The following SCFD1 variants were observed in gnomAD, a reference collection of about 807,000 sequenced individuals.
The protein encoded by SCFD1 is sec1 family domain containing 1.
A neutral mutation model predicts 103.2 loss-of-function variants in SCFD1; 37 were observed. That is an observed-to-expected ratio of 0.36 (90% CI 0.28 to 0.47). The LOEUF (loss-of-function observed/expected upper bound fraction) is 0.47, where lower values mean the gene tolerates loss of function less well. SCFD1 is among the 20% of genes least tolerant of loss of function. The pLI, the probability that SCFD1 is intolerant of heterozygous loss-of-function variation, is 1.00. For missense variants in SCFD1, 639 were observed against 761.2 expected, an observed-to-expected ratio of 0.84 and a Z score of 1.89; for synonymous variants, 264 against 245.0, an observed-to-expected ratio of 1.08 and a Z score of -0.73.
chr14:30,720,605 CTA>C (rs1892589020), intron 21 of SCFD1, among the ~76,000 whole-genome samples: 1 of 152,170 alleles, frequency 6.6e-6, no homozygotes, highest in South Asian at 2.1e-4. Context: ...CATGTACACA[CTA>C]TTTTTTTCTT....
Position 30,638,241 on chromosome 14 carries a change from A to G in SCFD1, c.429A>G (p.Val143=). ...AALAASAVTQ[V]AKVFDQYLNF... ...TAGCAGCTAGTGCAGTAACACAAGTAGCCAAGGTAAGAGAGTTTGGTGGGT... is the reference window on the plus strand; with the variant it reads ...TAGCAGCTAGTGCAGTAACACAAGTGGCCAAGGTAAGAGAGTTTGGTGGGT... Residue 143 remains valine (V), a synonymous_variant, in exon 5 of 25, where the codon GTA becomes GTG. Transcript: ENST00000458591. The G allele has an allele frequency of 6.2e-7, 1 of 1,613,220 alleles. No homozygotes were observed. The highest frequency in any genetic ancestry group is 8.5e-7 in the Non-Finnish European group (1 of 1,179,472).
chr14:30,677,827 CTTTTTTTTTTTTTTTTTTTT>C (rs58942207), intron 14 of SCFD1, among the ~76,000 whole-genome samples: 1 of 67,516 alleles, frequency 1.5e-5, no homozygotes, highest in East Asian at 4.2e-4. Context: ...ACCTAAGCAC[CTTTTTTTTTTTTTTTTTTTT>C]TTTTTTTTTT....
At chr14:30,680,551 T>C (rs1335101131) in intron 14 of SCFD1, among the ~76,000 whole-genome samples, 2 of 152,204 alleles carry the variant, frequency 1.3e-5, no homozygotes, top group African/African-American at 4.8e-5. Flanking sequence ...CCATAAAACA[T>C]ATCTACTAAA....
chr14:30,728,777 T>C (rs1257709379), intron 23 of SCFD1, among the ~76,000 whole-genome samples: 1 of 152,200 alleles, frequency 6.6e-6, no homozygotes, highest in Non-Finnish European at 1.5e-5. Context: ...CAAGAATCTT[T>C]TCACATGTGT....
intron 10 of SCFD1, among the ~76,000 whole-genome samples, chr14:30,664,916 T>C (rs1230934934): frequency 2.0e-5 from 3 of 152,160 alleles, no homozygotes; most frequent in East Asian, 1.9e-4. Context: ...AAATCTGCGT[T>C]TGATTGGTGT....
chr14:30,682,834 A>T (rs1282141851), intron 14 of SCFD1, among the ~76,000 whole-genome samples: 2 of 152,216 alleles, frequency 1.3e-5, no homozygotes, highest in Non-Finnish European at 2.9e-5. Flanking sequence ...TTCTAAGTTC[A>T]TTGTAGCTTG....
At chr14:30,717,294 G>A (rs1422243242) in intron 20 of SCFD1, among the ~76,000 whole-genome samples, 1 of 152,106 alleles carries the variant, frequency 6.6e-6, no homozygotes, top group Non-Finnish European at 1.5e-5. Flanking sequence ...TAGGCCATGT[G>A]GTGAAACCCT....
At chr14:30,645,821 T>C (rs189117996) in intron 7 of SCFD1, among the ~76,000 whole-genome samples, 403 of 152,302 alleles carry the variant, frequency 2.6e-3, no homozygotes, top group Non-Finnish European at 4.5e-3. Flanking sequence ...TTTTATTTCT[T>C]TCTCTTGCCT....
chr14:30,671,445 A>G (rs1459367914), intron 11 of SCFD1, among the ~76,000 whole-genome samples: 2 of 152,174 alleles, frequency 1.3e-5, no homozygotes, highest in African/African-American at 2.4e-5. Flanking sequence ...GGCATTATTT[A>G]TAGAGAATAC....
At chr14:30,725,217 A>G (rs369660558) in intron 23 of SCFD1, among the ~76,000 whole-genome samples, 1 of 152,042 alleles carries the variant, frequency 6.6e-6, no homozygotes, top group East Asian at 1.9e-4. Flanking sequence ...CTAGTTCTGT[A>G]AAGAATGTCA....
At chr14:30,691,485 G>A (rs1382174077) in intron 14 of SCFD1, among the ~76,000 whole-genome samples, 2 of 152,168 alleles carry the variant, frequency 1.3e-5, no homozygotes, top group Non-Finnish European at 2.9e-5. Flanking sequence ...GCCTTGAAGA[G>A]ATACTAGTTC....
At chr14:30,720,052 G>T (rs1049923861) in intron 21 of SCFD1, among the ~76,000 whole-genome samples, 1 of 152,112 alleles carries the variant, frequency 6.6e-6, no homozygotes, top group East Asian at 1.9e-4. Flanking sequence ...TTTGTTGCCT[G>T]TTCCTTATGT....
intron 7 of SCFD1, among the ~76,000 whole-genome samples, chr14:30,648,767 C>G (rs1200728262): frequency 6.6e-6 from 1 of 152,100 alleles, no homozygotes; most frequent in Non-Finnish European, 1.5e-5. Flanking sequence ...AACACAGGCA[C>G]ACACCACCAT....
chr14:30,684,803 C>CTTTT (rs780577178), intron 14 of SCFD1, among the ~76,000 whole-genome samples: 8,801 of 54,528 alleles, frequency 0.16, 1,015 homozygotes, highest in East Asian at 0.42. Context: ...GCAATTGTTT[C>CTTTT]TTTTTTTTTT....
chr14:30,622,620 G>T (rs969450918), intron 1 of SCFD1, among the ~76,000 whole-genome samples: 1 of 152,154 alleles, frequency 6.6e-6, no homozygotes, highest in African/African-American at 2.4e-5. Flanking sequence ...TGGGCGGATT[G>T]CTACGGCCCT....
At position 30,702,387 on chromosome 14, in the gene SCFD1, T is replaced by C; in HGVS notation, c.1490+12T>C. ...ATCAAACAGTGGAAGTAAGTTTTAT[T>C]TTCTTCTTTAATTCCTGTCATTTAA... is the stretch of plus-strand genomic sequence containing the variant. On this transcript the variant is annotated intron_variant, in intron 17 of 24. Transcript: ENST00000458591. 6.7e-7 allele frequency: 1 copy of C among 1,498,442 alleles called. No individual in the cohort carries two copies. The highest frequency in any genetic ancestry group is 9.1e-7 in the Non-Finnish European group (1 of 1,096,158). 92.8% of individuals were successfully genotyped at this position (1,498,442 alleles called of 1,614,324 possible).
chr14:30,691,303 A>G (rs1275542955), intron 14 of SCFD1, among the ~76,000 whole-genome samples: 4 of 152,194 alleles, frequency 2.6e-5, no homozygotes, highest in African/African-American at 9.7e-5. Context: ...ATTTTTGAAC[A>G]CTGTTCTCTG....
At chr14:30,694,239 T>C (rs1054210867) in intron 14 of SCFD1, among the ~76,000 whole-genome samples, 2 of 152,234 alleles carry the variant, frequency 1.3e-5, no homozygotes, top group African/African-American at 4.8e-5. Context: ...TAAGTAACAA[T>C]TGTGTTTTTA....
Position 30,722,585 on chromosome 14 carries a change from C to T in SCFD1, c.1836+26C>T, listed in dbSNP as rs749873178. 2.7e-6 allele frequency: 4 copies of T among 1,465,980 alleles called. No homozygotes were observed. In the South Asian group the frequency reaches 4.9e-5, roughly 18 times the overall value. The allele number at this position is 1,465,980 out of a possible 1,614,324, so 90.8% of individuals were successfully genotyped here. A position where few individuals can be genotyped will look rare whatever the true frequency, so the allele number is the denominator to read the frequency against. On this transcript the variant is annotated intron_variant, in intron 23 of 24. Coordinates refer to ENST00000458591, the MANE Select transcript of SCFD1 (RefSeq NM_016106.4). ...GTACATTTTATTTAGCCTTTTTATTCTGTTGTTAGATGGTTTCATAGGTAG... is the reference window on the plus strand; with the variant it reads ...GTACATTTTATTTAGCCTTTTTATTTTGTTGTTAGATGGTTTCATAGGTAG...
Sources: allele counts gnomAD v4.1 joint callset (sites outside exome capture counted in the v4.1 genomes callset), GRCh38; gene constraint gnomAD v4.1.1; transcripts MANE v1.5; gene names NCBI Gene and HGNC (gene_info 2026-07-23, HGNC 2026-07-21).